Variants in CHL1 observed in about 807,000 individuals in gnomAD.
CHL1 encodes the protein neural cell adhesion molecule L1-like protein.
CHL1 carries 96 observed loss-of-function variants against 141.9 expected under a neutral mutation model. The ratio of observed to expected loss-of-function variants is 0.68; its 90% CI spans 0.57 to 0.80. The LOEUF (loss-of-function observed/expected upper bound fraction) is 0.80, where lower values mean the gene tolerates loss of function less well. Ranked by LOEUF, CHL1 falls within the 30% of genes least tolerant of loss-of-function variation. The pLI is 0.00. For missense variants in CHL1, 1,820 were observed against 1,457.2 expected (o/e 1.25, Z -4.05); for synonymous variants, 613 against 502.2 (o/e 1.22, Z -2.95).
At chr3:366,558 G>T (rs962168613) in intron 15 of CHL1, among the ~76,000 whole-genome samples, 2 of 151,844 alleles carry the variant, frequency 1.3e-5, no homozygotes, top group African/African-American at 4.8e-5. Flanking sequence ...ACTTCACTCT[G>T]CTATCATATG....
intron 2 of CHL1, among the ~76,000 whole-genome samples, chr3:275,114 G>A (rs1408431166): frequency 6.6e-6 from 1 of 152,218 alleles, no homozygotes; most frequent in Non-Finnish European, 1.5e-5. Flanking sequence ...CTGTGGGTTA[G>A]GGATATTCTA....
intron 2 of CHL1, among the ~76,000 whole-genome samples, chr3:303,852 G>A (rs189420264): frequency 1.4e-4 from 21 of 152,280 alleles, no homozygotes; most frequent in African/African-American, 5.1e-4. Flanking sequence ...TATGATATTG[G>A]TTGTGGGTTT....
chr3:254,222 C>A (rs1693954466), intron 2 of CHL1, among the ~76,000 whole-genome samples: 1 of 152,148 alleles, frequency 6.6e-6, no homozygotes, highest in African/African-American at 2.4e-5. Context: ...CTATAAAGGC[C>A]CAACACCATC....
At chr3:276,701 A>T (rs1051437276) in intron 2 of CHL1, among the ~76,000 whole-genome samples, 1 of 151,926 alleles carries the variant, frequency 6.6e-6, no homozygotes, top group African/African-American at 2.4e-5. Context: ...CGTCCTGGCT[A>T]ACAGGGTGAA....
Position 394,872 on chromosome 3 carries a change from A to G in CHL1, c.3094A>G (p.Ser1032Gly), listed in dbSNP as rs1448319528. The change falls in exon 24 of 28, where the codon AGT becomes GGT. Residue 1032 changes from serine (S) to glycine (G), a missense_variant and splice_region_variant. Ser to Gly is a moderately conservative substitution (Grantham distance 56, BLOSUM62 0). Transcript: ENST00000256509. Reference sequence around the variant, plus strand: ...GGAAAGCTCCACCTTAGGAGAAGGGAGTAAGTACATGAGGCTTCTCTTTTT... The same window carrying G: ...GGAAAGCTCCACCTTAGGAGAAGGGGGTAAGTACATGAGGCTTCTCTTTTT... ...TEESSTLGEG[S>G]KGIGKISGVN... 2 of 1,606,278 alleles carry G rather than the reference A, an allele frequency of 1.2e-6. No individual in the cohort carries two copies. Among genetic ancestry groups the G allele is most frequent in the East Asian group, 2.2e-5 (1 of 44,806 alleles).
chr3:368,695 A>G (rs1337011616), intron 15 of CHL1, among the ~76,000 whole-genome samples: 1 of 152,120 alleles, frequency 6.6e-6, no homozygotes, highest in Non-Finnish European at 1.5e-5. Context: ...GGTACTGCCT[A>G]GGTTTTCTTC....
chr3:382,894 A>G (rs1707234472), intron 18 of CHL1, among the ~76,000 whole-genome samples: 1 of 152,208 alleles, frequency 6.6e-6, no homozygotes, highest in Non-Finnish European at 1.5e-5. Context: ...ACATATGAAA[A>G]AAAAACATTA....
At chr3:278,667 A>G (rs1696369531) in intron 2 of CHL1, among the ~76,000 whole-genome samples, 1 of 152,148 alleles carries the variant, frequency 6.6e-6, no homozygotes, top group African/African-American at 2.4e-5. Flanking sequence ...TTTGGAAACA[A>G]TTTACTGTTC....
intron 12 of CHL1, among the ~76,000 whole-genome samples, chr3:361,114 A>G (rs570986573): frequency 2.6e-5 from 4 of 151,994 alleles, no homozygotes; most frequent in Non-Finnish European, 4.4e-5. Flanking sequence ...AAAACAAGCA[A>G]TGGGGAAAGG....
At chr3:260,894 G>T (rs1207657961) in intron 2 of CHL1, among the ~76,000 whole-genome samples, 2 of 152,196 alleles carry the variant, frequency 1.3e-5, no homozygotes, top group Admixed American at 6.5e-5. Context: ...GGCGTCAGCA[G>T]CTCTGTAACC....
chr3:321,563 T>G (rs947799026), intron 3 of CHL1, among the ~76,000 whole-genome samples: 2 of 152,096 alleles, frequency 1.3e-5, no homozygotes, highest in Non-Finnish European at 2.9e-5. Context: ...GATTACTGAT[T>G]CAGATTTTTG....
At chr3:287,131 C>T (rs893009784) in intron 2 of CHL1, among the ~76,000 whole-genome samples, 1 of 152,128 alleles carries the variant, frequency 6.6e-6, no homozygotes, top group Admixed American at 6.6e-5. Context: ...TGGAGTTGCT[C>T]TGGTTCAAAC....
chr3:280,300 G>A (rs1207550256), intron 2 of CHL1, among the ~76,000 whole-genome samples: 1 of 151,796 alleles, frequency 6.6e-6, no homozygotes, highest in Non-Finnish European at 1.5e-5. Context: ...AGGAGACTGT[G>A]GCACTGTCAT....
Position 285,435 on chromosome 3 carries a change from A to G in CHL1, c.-94-34248A>G, listed in dbSNP as rs115838738. On this transcript the variant is annotated intron_variant, in intron 2 of 27. Transcript: ENST00000256509. ...TAAGCAATTGAGTACAAAATTCAGT[A>G]CAGTCAGTGGGAATGTGATCAGATG... Among the ~76,000 whole-genome samples the G allele has an allele frequency of 8.2e-3, 1,250 of 152,352 alleles. 9 individuals carry two copies. The highest frequency in any genetic ancestry group is 0.013 in the Non-Finnish European group (877 of 68,030).
intron 5 of CHL1, among the ~76,000 whole-genome samples, chr3:333,329 A>G (rs890215580): frequency 6.6e-5 from 10 of 151,868 alleles, no homozygotes; most frequent in Non-Finnish European, 1.2e-4. Context: ...TCTTTAATCG[A>G]TTCTTCTCTT....
At chr3:403,328 T>C (rs1709289463) in intron 27 of CHL1, among the ~76,000 whole-genome samples, 1 of 152,202 alleles carries the variant, frequency 6.6e-6, no homozygotes, top group Admixed American at 6.5e-5. Flanking sequence ...ATCACTTTTG[T>C]TGTATTCTAT....
intron 2 of CHL1, among the ~76,000 whole-genome samples, chr3:304,373 G>A (rs780585059): frequency 9.2e-5 from 14 of 152,082 alleles, no homozygotes; most frequent in African/African-American, 1.9e-4. Flanking sequence ...TCTGGTCCTG[G>A]GCTTTATTGG....
chr3:303,348 C>A (rs1361320440), intron 2 of CHL1, among the ~76,000 whole-genome samples: 2 of 152,112 alleles, frequency 1.3e-5, no homozygotes, highest in Non-Finnish European at 2.9e-5. Flanking sequence ...TGGCCATTTT[C>A]ACAATATTGA....
rs1275889068 is a variant in CHL1 at position 327,897 on chromosome 3, CCTTT to C, written c.198-267_198-264del. Among the ~76,000 whole-genome samples, 14 of 151,764 alleles carry C rather than the reference CCTTT, an allele frequency of 9.2e-5. 1 individual carries two copies. Among genetic ancestry groups the C allele is most frequent in the Admixed American group, 8.6e-4 (13 of 15,200 alleles). ...GAATATTAATAATAATCTTGTATTA[CCTTT>C]CTAATTAAAAATAAATAAATAATTT... On this transcript the variant is annotated intron_variant, in intron 4 of 27. Transcript: ENST00000256509.
Sources: allele counts gnomAD v4.1 joint callset (sites outside exome capture counted in the v4.1 genomes callset), GRCh38; gene constraint gnomAD v4.1.1; transcripts MANE v1.5; gene names NCBI Gene and HGNC (gene_info 2026-07-23, HGNC 2026-07-21).